The following ACAD11 variants were observed in gnomAD, a reference collection of about 807,000 sequenced individuals.
The protein encoded by ACAD11 is acyl-Coenzyme A dehydrogenase family, member 11.
In ACAD11, 83 loss-of-function variants were observed where a neutral mutation model predicts 102.2. The observed-to-expected ratio is 0.81, with a 90% CI of 0.68 to 0.97. ACAD11 has a LOEUF of 0.97. Ranked by LOEUF, ACAD11 falls within the 50% of genes least tolerant of loss-of-function variation. The pLI is 0.00. For missense variants in ACAD11, 901 were observed against 951.7 expected (o/e 0.95, Z 0.70); for synonymous variants, 324 against 319.8 (o/e 1.01, Z -0.14).
Position 132,659,695 on chromosome 3 carries a change from C to T in ACAD11, c.57G>A (p.Lys19=). The T allele has an allele frequency of 6.2e-7, 1 of 1,612,146 alleles. No individual in the cohort carries two copies. The highest frequency in any genetic ancestry group is 8.5e-7 in the Non-Finnish European group (1 of 1,179,038). Residue 19 remains lysine, a synonymous_variant, in exon 1 of 20, where the codon AAG becomes AAA. Transcript: ENST00000264990. ...AGGCCTCCAGGGACTTGCTGTCGAA[C>T]TTGTGCTGGGGCAGCACTTCGGCCA... ...SDLAEVLPQH[K]FDSKSLEAYL...
rs753746125 is a variant in ACAD11, at chr3:132,578,771, A to G, written c.1774+25T>C. The stretch of plus-strand genomic sequence containing the variant: ...TTCTAGCCTTCCTGCTTGCTAATGC[A>G]TGGTCATATTTATTGGATACCTACC... On this transcript the variant is annotated intron_variant, in intron 15 of 19. Coordinates refer to ENST00000264990, the MANE Select transcript of ACAD11 (RefSeq NM_032169.5). The G allele has an allele frequency of 6.0e-5, 96 of 1,609,184 alleles. No individual in the cohort carries two copies. The South Asian group carries it at 7.6e-4, about 13-fold the overall frequency.
In ACAD11 at chr3:132,631,349, T is replaced by G. The variant is rs201632256; in HGVS notation, c.833A>C (p.Glu278Ala). The stretch of plus-strand genomic sequence containing the variant: ...ACATTATGTTTTTATACCTGAGTTT[T>G]CACTATAAGAACCTTGATTTATCAT... ...VPMINQGSYSENSGIPSMEEL... is the reference protein window; with the variant it reads ...VPMINQGSYSANSGIPSMEEL... The change falls in exon 6 of 20, where the codon GAA (glutamate) becomes GCA (alanine). Residue 278 changes from glutamate (E) to alanine (A), a missense_variant. By Grantham distance (107) the Glu-to-Ala change is moderately radical. Transcript: ENST00000264990. 1.0e-5 allele frequency: 15 copies of G among 1,447,154 alleles called. No individual in the cohort carries two copies. The African/African-American group carries it at 1.6e-4, about 15-fold the overall frequency. 89.6% of individuals were successfully genotyped at this position (1,447,154 alleles called of 1,614,324 possible).
At position 132,571,005 on chromosome 3, in the gene ACAD11, T is replaced by C. The variant is rs143439415; in HGVS notation, c.2001+4767A>G. On this transcript the variant is annotated intron_variant, in intron 17 of 19. Coordinates refer to ENST00000264990, the MANE Select transcript of ACAD11 (RefSeq NM_032169.5). ...TGTGTCTTTAACGTAGAATGACTTA[T>C]ATACCTTTGCGTATATATCCAGTAA... 5.5e-3 allele frequency among the ~76,000 whole-genome samples: 832 copies of C among 152,330 alleles called. 11 individuals are homozygous for C. Among genetic ancestry groups the C allele is most frequent in the African/African-American group, 0.019 (793 of 41,570 alleles).
intron 1 of ACAD11, among the ~76,000 whole-genome samples, chr3:132,658,347 A>G (rs1366789093): frequency 6.6e-6 from 1 of 152,222 alleles, no homozygotes; most frequent in Non-Finnish European, 1.5e-5. Flanking sequence ...TTCTGGAAGC[A>G]ATTTTTATAC....
chr3:132,561,439 A>G (rs1937053811), intron 17 of ACAD11: 2 of 506,090 alleles, frequency 4.0e-6, no homozygotes, highest in South Asian at 1.8e-5. Context: ...AATATTTTAG[A>G]AAGAAATTTT....
At chr3:132,632,206 C>T (rs929334139) in intron 5 of ACAD11, among the ~76,000 whole-genome samples, 1 of 152,020 alleles carries the variant, frequency 6.6e-6, no homozygotes, top group Admixed American at 6.6e-5. Context: ...GCCTCAGCCT[C>T]CCGAATAGCT....
rs532231265 is a variant in ACAD11 at position 132,658,066 on chromosome 3, T to C, written c.149+1537A>G. 2.6e-5 allele frequency among the ~76,000 whole-genome samples: 4 copies of C among 152,212 alleles called. No individual in the cohort carries two copies. In the East Asian group the frequency reaches 7.7e-4, roughly 29 times the overall value. On this transcript the variant is annotated intron_variant, in intron 1 of 19. Transcript: ENST00000264990. ...TAGTAGAGATGGGGGTTTCACCATG[T>C]TGGCCAGGCTGGTCTTGAACTCCTG...
intron 11 of ACAD11, among the ~76,000 whole-genome samples, chr3:132,606,098 A>C (rs1022923780): frequency 2.0e-5 from 3 of 152,234 alleles, no homozygotes; most frequent in African/African-American, 7.2e-5. Context: ...AATACTGTCT[A>C]AAACCTTTCC....
chr3:132,614,827 G>A (rs1362666036), intron 11 of ACAD11, among the ~76,000 whole-genome samples: 2 of 152,188 alleles, frequency 1.3e-5, no homozygotes, highest in East Asian at 3.9e-4. Flanking sequence ...AGACAAATAG[G>A]ATCTAATTAA....
chr3:132,632,475 T>C lies in ACAD11; in HGVS notation c.703-996A>G, dbSNP rs182478463. ...ATATAGCGTATGATCCAATTTATGC[T>C]TAAAGAAAAAGATTATAGTTTGAAG... On this transcript the variant is annotated intron_variant, in intron 5 of 19. Transcript: ENST00000264990. Among the ~76,000 whole-genome samples the C allele has an allele frequency of 6.6e-4, 100 of 152,290 alleles. 1 individual carries two copies. Among genetic ancestry groups the C allele is most frequent in the African/African-American group, 2.3e-3 (96 of 41,572 alleles).
chr3:132,613,768 A>C (rs1279283804), intron 11 of ACAD11, among the ~76,000 whole-genome samples: 1 of 151,982 alleles, frequency 6.6e-6, no homozygotes, highest in Non-Finnish European at 1.5e-5. Flanking sequence ...GCATGGTGGC[A>C]GGCTCCTGTG....
intron 16 of ACAD11, 104 bp downstream of exon 16, chr3:132,576,839 TC>T: frequency 1.2e-6 from 1 of 823,042 alleles, no homozygotes; most frequent in East Asian, 2.6e-5. Context: ...AATATCTAAA[TC>T]AAGGTAGACT....
chr3:132,561,325 T>C (rs2107776675), intron 17 of ACAD11, 108 bp from the exon 18 acceptor site: 1 of 811,902 alleles, frequency 1.2e-6, no homozygotes, highest in East Asian at 2.5e-5. Flanking sequence ...AAGCCAGAGA[T>C]TGTTCACAAG....
chr3:132,562,228 T>C (rs1054275668), intron 17 of ACAD11, among the ~76,000 whole-genome samples: 8 of 152,120 alleles, frequency 5.3e-5, no homozygotes, highest in Non-Finnish European at 1.2e-4. Flanking sequence ...CCTCAGCCTC[T>C]GAGTAGCTGG....
At chr3:132,566,175 A>G (rs1022971675) in intron 17 of ACAD11, among the ~76,000 whole-genome samples, 1 of 152,086 alleles carries the variant, frequency 6.6e-6, no homozygotes, top group Non-Finnish European at 1.5e-5. Context: ...TAACAGTTCA[A>G]ATAAAAAGCT....
In ACAD11 at chr3:132,642,671, A is replaced by C. The variant is rs1409073786; in HGVS notation, c.375+6T>G. On this transcript the variant is annotated splice_donor_region_variant and intron_variant, in intron 3 of 19. Coordinates refer to ENST00000264990, the MANE Select transcript of ACAD11 (RefSeq NM_032169.5). ...AGCAACAAAATAAGATTAAGTGTTA[A>C]TTTACCTGCACATGTTCCATTACGT... The C allele has an allele frequency of 1.9e-6, 3 of 1,595,594 alleles. No individual in the cohort carries two copies. Among genetic ancestry groups the C allele is most frequent in the Non-Finnish European group, 2.6e-6 (3 of 1,174,520 alleles).
At chr3:132,621,736 T>C (rs1415423315) in intron 9 of ACAD11, among the ~76,000 whole-genome samples, 1 of 152,066 alleles carries the variant, frequency 6.6e-6, no homozygotes, top group Non-Finnish European at 1.5e-5. Flanking sequence ...GGTGGGCAGA[T>C]TACTTGAGGT....
Position 132,561,143 on chromosome 3 carries a change from A to G in ACAD11, c.2076T>C (p.Ala692=), listed in dbSNP as rs367711395. 3 of 1,613,588 alleles carry G rather than the reference A, an allele frequency of 1.9e-6. No individual in the cohort carries two copies. Among genetic ancestry groups the G allele is most frequent in the South Asian group, 1.1e-5 (1 of 91,086 alleles). Residue 692 remains alanine, a synonymous_variant, in exon 18 of 20, where the codon GCT becomes GCC. Coordinates refer to ENST00000264990, the MANE Select transcript of ACAD11 (RefSeq NM_032169.5). ...EKIRLLTLKA[A]HSMDTLGSAG... is the part of the protein sequence containing the mutation. Reference sequence around the variant, plus strand: ...CACTGCCCAGAGTGTCCATGCTGTGAGCAGCTTTCAGAGTCAACAAGCGGA... The same window carrying G: ...CACTGCCCAGAGTGTCCATGCTGTGGGCAGCTTTCAGAGTCAACAAGCGGA...
intron 5 of ACAD11, among the ~76,000 whole-genome samples, chr3:132,632,652 T>C (rs1399988680): frequency 1.3e-5 from 2 of 152,186 alleles, no homozygotes; most frequent in Admixed American, 6.5e-5. Context: ...GCATTGAATC[T>C]ATAAATTACC....
Sources: allele counts gnomAD v4.1 joint callset (sites outside exome capture counted in the v4.1 genomes callset), GRCh38; gene constraint gnomAD v4.1.1; transcripts MANE v1.5; gene names NCBI Gene and HGNC (gene_info 2026-07-23, HGNC 2026-07-21).